Variants in TSNARE1 observed in about 807,000 individuals in gnomAD.
TSNARE1 encodes the protein t-SNARE domain containing 1.
TSNARE1 carries 49 observed loss-of-function variants against 62.0 expected under a neutral mutation model. That is an observed-to-expected ratio of 0.79 (90% CI 0.63 to 1.00). The LOEUF (loss-of-function observed/expected upper bound fraction) is 1.00. Ranked by LOEUF, TSNARE1 falls within the 50% of genes least tolerant of loss-of-function variation. TSNARE1 has a pLI of 0.00. For synonymous variants in TSNARE1, 328 were observed against 294.4 expected (o/e 1.11, Z -1.17); for missense variants, 755 against 700.1 (o/e 1.08, Z -0.88).
At position 142,274,467 on chromosome 8, in the gene TSNARE1, G is replaced by C. The variant is rs1173040316; in HGVS notation, c.1446+314C>G. 3.0e-6 allele frequency: 3 copies of C among 985,372 alleles called. No individual in the cohort carries two copies. The Admixed American group carries it at 1.8e-4, about 61-fold the overall frequency. The allele number at this position is 985,372 out of a possible 1,614,324, so 61.0% of individuals were successfully genotyped here. On this transcript the variant is annotated intron_variant, in intron 12 of 13. Coordinates refer to ENST00000524325, the MANE Select transcript of TSNARE1 (RefSeq NM_145003.5). ...AGCTGCATGTCAGCATCTGGCACAG[G>C]AGGTGGAGCGGGAAGGCCCCAAGGG...
At chr8:142,309,276 TACA>T (rs1827204773) in intron 9 of TSNARE1, among the ~76,000 whole-genome samples, 1 of 152,190 alleles carries the variant, frequency 6.6e-6, no homozygotes, top group Non-Finnish European at 1.5e-5. Context: ...CTGCGTTGGA[TACA>T]ACTTCTGGCA....
At chr8:142,242,099 T>C (rs1315024817) in intron 12 of TSNARE1, among the ~76,000 whole-genome samples, 4 of 152,054 alleles carry the variant, frequency 2.6e-5, no homozygotes. Context: ...AACAATCAAC[T>C]CAAAATGGAT....
chr8:142,274,609 A>T, intron 12 of TSNARE1, 172 bp downstream of exon 12: 1 of 985,302 alleles, frequency 1.0e-6, no homozygotes, highest in Non-Finnish European at 1.2e-6. Context: ...CAACCCCGCC[A>T]CTCCCAGAGC....
intron 2 of TSNARE1, among the ~76,000 whole-genome samples, chr8:142,349,052 G>A (rs1229098957): frequency 2.6e-5 from 4 of 152,254 alleles, no homozygotes; most frequent in Non-Finnish European, 4.4e-5. Flanking sequence ...CGAAGGCCCC[G>A]CCCACACAGA....
At chr8:142,247,651 A>G (rs760397117) in intron 12 of TSNARE1, 1 of 152,198 alleles carries the variant, frequency 6.6e-6, no homozygotes, top group Admixed American at 6.5e-5. Context: ...CAATCCCACT[A>G]CTGATCAGCA....
chr8:142,270,826 G>A (rs1819461952), intron 12 of TSNARE1: 1 of 985,334 alleles, frequency 1.0e-6, no homozygotes, highest in Non-Finnish European at 1.2e-6. Context: ...TCATCCCTGA[G>A]TAGACCTGGT....
In TSNARE1 at chr8:142,273,588, C is replaced by A. The variant is rs142595781; in HGVS notation, c.1446+1193G>T. On this transcript the variant is annotated intron_variant, in intron 12 of 13. Coordinates refer to ENST00000524325, the MANE Select transcript of TSNARE1 (RefSeq NM_145003.5). ...TGTCTCCCGGCCTGGCGTTCACCAG[C>A]TGTCAACAGGGACTGACCCTTGGTG... 3.0e-4 allele frequency: 292 copies of A among 985,398 alleles called. 4 individuals are homozygous for A. The East Asian group carries it at 0.026, about 87-fold the overall frequency. 61.0% of individuals were successfully genotyped at this position (985,398 alleles called of 1,614,324 possible).
At chr8:142,312,082 G>T (rs1254242746) in intron 9 of TSNARE1, among the ~76,000 whole-genome samples, 1 of 152,102 alleles carries the variant, frequency 6.6e-6, no homozygotes, top group East Asian at 1.9e-4. Flanking sequence ...TCAGATTTTG[G>T]AATATCTGCA....
At chr8:142,273,001 G>T (rs1315847534) in intron 12 of TSNARE1, 2 of 985,350 alleles carry the variant, frequency 2.0e-6, no homozygotes, top group African/African-American at 3.5e-5. Context: ...ACAGGAGTGG[G>T]ACAGTCTATG....
rs1829212167 is a variant in TSNARE1, at chr8:142,319,882, C to CA, written c.894-1249_894-1248insT. 6.6e-6 allele frequency among the ~76,000 whole-genome samples: 1 copy of CA among 152,176 alleles called. No individual in the cohort carries two copies. The highest frequency in any genetic ancestry group is 2.4e-5 in the African/African-American group (1 of 41,456). On this transcript the variant is annotated intron_variant, in intron 6 of 13. Transcript: ENST00000524325. This position sits in a 1 kb window ranked among gnomAD's most constrained non-coding sequence, Gnocchi z 4.9. The stretch of plus-strand genomic sequence containing the variant: ...GTTACTACAGACTAGGCGGGAAGCG[C>CA]GGGGACAGGAGCTTTCTTCCCCGGG...
intron 13 of TSNARE1, among the ~76,000 whole-genome samples, chr8:142,216,285 G>A (rs1815833517): frequency 6.6e-6 from 1 of 152,164 alleles, no homozygotes; most frequent in Non-Finnish European, 1.5e-5. Context: ...GGAGATCTTT[G>A]GATTGGAACA....
intron 1 of TSNARE1, among the ~76,000 whole-genome samples, chr8:142,374,504 C>A (rs930502708): frequency 6.6e-6 from 1 of 151,482 alleles, no homozygotes; most frequent in Admixed American, 6.6e-5. Flanking sequence ...TGGTGAAACC[C>A]CGTCTCTACT....
intron 13 of TSNARE1, among the ~76,000 whole-genome samples, chr8:142,222,853 C>T (rs111215835): frequency 4.3e-5 from 6 of 138,664 alleles, no homozygotes; most frequent in South Asian, 2.4e-4. Context: ...TTCATCCACT[C>T]ACTCATCCAC....
At chr8:142,275,616 T>TGCAAACACGA (rs1288798000) in intron 11 of TSNARE1, 30 of 985,264 alleles carry the variant, frequency 3.0e-5, no homozygotes, top group South Asian at 2.3e-4. Context: ...CAGAGCCACA[T>TGCAAACACGA]GCAAACACGA....
At chr8:142,310,536 C>G (rs1395600351) in intron 9 of TSNARE1, among the ~76,000 whole-genome samples, 1 of 151,350 alleles carries the variant, frequency 6.6e-6, no homozygotes, top group Non-Finnish European at 1.5e-5. Context: ...GAGGAGTTCT[C>G]TCATTTTTGT....
At chr8:142,403,450 C>T (rs965003798), upstream of TSNARE1, among the ~76,000 whole-genome samples, 2 of 152,154 alleles carry the variant, frequency 1.3e-5, no homozygotes, top group Admixed American at 6.5e-5. Flanking sequence ...TGGAGGGCGG[C>T]GGCCCGGCGC....
chr8:142,274,597 C>T (rs1333774241), intron 12 of TSNARE1, 184 bp downstream of exon 12: 6 of 985,410 alleles, frequency 6.1e-6, no homozygotes, highest in Non-Finnish European at 7.2e-6. Flanking sequence ...CCACTGCTGC[C>T]GCAACCCCGC....
chr8:142,368,874 A>ACAC (rs1835739656), intron 1 of TSNARE1, among the ~76,000 whole-genome samples: 2 of 152,182 alleles, frequency 1.3e-5, no homozygotes, highest in Non-Finnish European at 2.9e-5. Flanking sequence ...GGGTCAAAAA[A>ACAC]CACCTTATGT....
At chr8:142,323,051 C>G (rs1275184152) in intron 6 of TSNARE1, among the ~76,000 whole-genome samples, 1 of 149,950 alleles carries the variant, frequency 6.7e-6, no homozygotes, top group Admixed American at 6.6e-5. Context: ...TGTCTGTGGG[C>G]TGGATGACAA....
Sources: allele counts gnomAD v4.1 joint callset (sites outside exome capture counted in the v4.1 genomes callset), GRCh38; gene constraint gnomAD v4.1.1; non-coding constraint Gnocchi (gnomAD v3.1); transcripts MANE v1.5; gene names NCBI Gene and HGNC (gene_info 2026-07-23, HGNC 2026-07-21).